Variants in SORCS1 observed in about 807,000 individuals in gnomAD.
The protein encoded by SORCS1 is VPS10 domain-containing receptor SorCS1.
A neutral mutation model predicts 146.1 loss-of-function variants in SORCS1; 60 were observed. That is an observed-to-expected ratio of 0.41 (90% CI 0.33 to 0.51). The LOEUF (loss-of-function observed/expected upper bound fraction) is 0.51, where lower values mean the gene tolerates loss of function less well. SORCS1 is among the 20% of genes least tolerant of loss of function. SORCS1 has a pLI of 0.21. For synonymous variants in SORCS1, 637 were observed against 584.0 expected (o/e 1.09, Z -1.31); for missense variants, 1,352 against 1,487.6 (o/e 0.91, Z 1.50).
intron 1 of SORCS1, among the ~76,000 whole-genome samples, chr10:107,020,874 C>G (rs1958095992): frequency 6.6e-6 from 1 of 152,088 alleles, no homozygotes; most frequent in South Asian, 2.1e-4. Context: ...TCAACTTAAT[C>G]AACTTCACTT....
At chr10:106,974,371 A>G (rs1955909068) in intron 1 of SORCS1, among the ~76,000 whole-genome samples, 1 of 152,212 alleles carries the variant, frequency 6.6e-6, no homozygotes, top group East Asian at 1.9e-4. Context: ...TTTAGCCAAA[A>G]GGCTGGAAAA....
chr10:106,965,115 G>C (rs866988747), intron 1 of SORCS1, among the ~76,000 whole-genome samples: 23 of 151,970 alleles, frequency 1.5e-4, no homozygotes, highest in Non-Finnish European at 2.8e-4. Flanking sequence ...TGTCCCCTCT[G>C]ACAGTGTCAG....
chr10:107,089,765 A>G (rs952131193), intron 1 of SORCS1, among the ~76,000 whole-genome samples: 3 of 152,226 alleles, frequency 2.0e-5, no homozygotes, highest in African/African-American at 4.8e-5. Flanking sequence ...TGTCACATCT[A>G]TATTTTCCCA....
chr10:106,646,850 T>C (rs1271548099), intron 18 of SORCS1, among the ~76,000 whole-genome samples: 3 of 151,662 alleles, frequency 2.0e-5, no homozygotes, highest in Non-Finnish European at 4.4e-5. Flanking sequence ...GATTATAATT[T>C]CTCCACTGTA....
intron 6 of SORCS1, among the ~76,000 whole-genome samples, chr10:106,723,100 C>G (rs1027286642): frequency 6.6e-6 from 1 of 152,078 alleles, no homozygotes; most frequent in Non-Finnish European, 1.5e-5. Context: ...GCAGGAGGAT[C>G]GCTTGAGCCC....
At chr10:107,120,697 A>G (rs607437) in intron 1 of SORCS1, among the ~76,000 whole-genome samples, 92,037 of 152,076 alleles carry the variant, frequency 0.61, 28,376 homozygotes, top group African/African-American at 0.71. Context: ...ACTAACTTGA[A>G]AGGCAAAGCA....
chr10:106,686,661 T>A (rs1852868970), intron 10 of SORCS1, among the ~76,000 whole-genome samples: 2 of 152,190 alleles, frequency 1.3e-5, no homozygotes, highest in Admixed American at 6.5e-5. Flanking sequence ...AACAACTGGC[T>A]TTTTCCTCCT....
chr10:106,891,439 T>C (rs1260307861), intron 2 of SORCS1, among the ~76,000 whole-genome samples: 1 of 151,980 alleles, frequency 6.6e-6, no homozygotes, highest in Non-Finnish European at 1.5e-5. Flanking sequence ...ATGGACAGAT[T>C]TGAGTTTCCT....
intron 6 of SORCS1, among the ~76,000 whole-genome samples, chr10:106,719,552 A>G (rs957987855): frequency 1.2e-3 from 182 of 152,028 alleles, no homozygotes; most frequent in African/African-American, 3.7e-3. Context: ...AGCTGGGACT[A>G]TAGACAAGTA....
At position 106,988,852 on chromosome 10, in the gene SORCS1, T is replaced by C. The variant is rs563415616; in HGVS notation, c.559-32272A>G. Among the ~76,000 whole-genome samples, 32 of 152,214 alleles carry C rather than the reference T, an allele frequency of 2.1e-4. No homozygotes were observed. The South Asian group carries it at 5.8e-3, about 28-fold the overall frequency. Reference sequence around the variant, plus strand: ...GAAGTCCCATCACTTAAAACTATAGTATACTAAGCAAAGTGGTAGAGAATA... The same window carrying C: ...GAAGTCCCATCACTTAAAACTATAGCATACTAAGCAAAGTGGTAGAGAATA... On this transcript the variant is annotated intron_variant, in intron 1 of 25. Coordinates refer to ENST00000263054, the MANE Select transcript of SORCS1 (RefSeq NM_052918.5).
At chr10:106,944,902 T>G (rs1954249729) in intron 2 of SORCS1, among the ~76,000 whole-genome samples, 1 of 133,994 alleles carries the variant, frequency 7.5e-6, no homozygotes, top group Non-Finnish European at 1.5e-5. Flanking sequence ...TTTTTTTTTT[T>G]GGAGATGGAG....
chr10:106,777,969 G>A (rs138947299), intron 3 of SORCS1, among the ~76,000 whole-genome samples: 105 of 152,286 alleles, frequency 6.9e-4, no homozygotes, highest in African/African-American at 2.4e-3. Flanking sequence ...ATTACCAGCT[G>A]AGGATGCTGC....
chr10:107,020,663 T>G (rs1421205160), intron 1 of SORCS1, among the ~76,000 whole-genome samples: 1 of 152,168 alleles, frequency 6.6e-6, no homozygotes, highest in Non-Finnish European at 1.5e-5. Context: ...TGAATTTGTG[T>G]GTCCTGTTTT....
intron 1 of SORCS1, among the ~76,000 whole-genome samples, chr10:107,017,296 CAATAGA>C (rs1448099717): frequency 6.6e-6 from 1 of 152,142 alleles, no homozygotes; most frequent in Non-Finnish European, 1.5e-5. Context: ...AATATTTATA[CAATAGA>C]AATTATAAAG....
chr10:106,852,140 A>T (rs1949610342), intron 2 of SORCS1, among the ~76,000 whole-genome samples: 1 of 152,060 alleles, frequency 6.6e-6, no homozygotes, highest in East Asian at 1.9e-4. Context: ...AGATAGTTTT[A>T]TTTCTTCCTT....
At chr10:106,722,850 A>T (rs977034908) in intron 6 of SORCS1, among the ~76,000 whole-genome samples, 2 of 152,206 alleles carry the variant, frequency 1.3e-5, no homozygotes, top group African/African-American at 4.8e-5. Context: ...AAATTCTGAT[A>T]AAAGTTATGT....
chr10:106,994,498 A>C (rs563612580), intron 1 of SORCS1, among the ~76,000 whole-genome samples: 32 of 152,380 alleles, frequency 2.1e-4, no homozygotes, highest in African/African-American at 7.7e-4. Flanking sequence ...CCCATATTTA[A>C]GCCAACAGAC....
intron 1 of SORCS1, among the ~76,000 whole-genome samples, chr10:107,081,689 AG>A (rs911167029): frequency 2.6e-5 from 4 of 152,364 alleles, no homozygotes; most frequent in African/African-American, 9.6e-5. Context: ...AAAGAAAAAG[AG>A]TGAAAAAAAG....
At chr10:107,021,336 C>A (rs1229416287) in intron 1 of SORCS1, among the ~76,000 whole-genome samples, 2 of 151,616 alleles carry the variant, frequency 1.3e-5, no homozygotes, top group Non-Finnish European at 2.9e-5. Context: ...CATGGTGAAA[C>A]CCCGTCTCTA....
Sources: allele counts gnomAD v4.1 joint callset (sites outside exome capture counted in the v4.1 genomes callset), GRCh38; gene constraint gnomAD v4.1.1; transcripts MANE v1.5; gene names NCBI Gene and HGNC (gene_info 2026-07-23, HGNC 2026-07-21).